KRT78: variants seen among roughly 807,000 people sequenced by gnomAD.
KRT78 encodes the protein keratin 78.
Under a neutral mutation model 51.4 loss-of-function variants are expected in KRT78, and 55 were observed. The observed-to-expected ratio is 1.07, with a 90% CI of 0.86 to 1.34. The LOEUF (loss-of-function observed/expected upper bound fraction) is 1.34, where lower values mean the gene tolerates loss of function less well. KRT78 is among the 40% of genes most tolerant of loss of function. The pLI is 0.00. For synonymous variants in KRT78, 291 were observed against 264.3 expected (o/e 1.10, Z -0.98); for missense variants, 652 against 649.4 (o/e 1.00, Z -0.04).
chr12:52,848,152 C>A (rs755498421), intron 1 of KRT78, 31 bp from the exon 2 acceptor site: 5 of 1,607,710 alleles, frequency 3.1e-6, no homozygotes, highest in Non-Finnish European at 4.2e-6. Context: ...CCCTGAGGCT[C>A]CTGTGGGACT....
Position 52,843,962 on chromosome 12 carries a change from C to T in KRT78, c.1047+131G>A. ...TCTCTTCTCCCCAAATTATCCAAAG[C>T]TCCAGCCAGTTATCAAGGTCCTCGA... On this transcript the variant is annotated intron_variant, in intron 6 of 8. Coordinates refer to ENST00000304620, the MANE Select transcript of KRT78 (RefSeq NM_173352.4). 4 of 1,100,424 alleles carry T rather than the reference C, an allele frequency of 3.6e-6. No individual in the cohort carries two copies. In the South Asian group the frequency reaches 5.8e-5, roughly 16 times the overall value. 68.2% of individuals were successfully genotyped at this position (1,100,424 alleles called of 1,614,324 possible). A position where few individuals can be genotyped will look rare whatever the true frequency, so the allele number is the denominator to read the frequency against.
At chr12:52,845,522 G>A (rs973565615) in intron 4 of KRT78, among the ~76,000 whole-genome samples, 1 of 152,210 alleles carries the variant, frequency 6.6e-6, no homozygotes, top group Admixed American at 6.5e-5. Flanking sequence ...CACATGATTT[G>A]AAGTTGGCAC....
At chr12:52,842,997 GGAA>G (rs1940543478) in intron 6 of KRT78, among the ~76,000 whole-genome samples, 1 of 99,060 alleles carries the variant, frequency 1.0e-5, no homozygotes, top group Non-Finnish European at 2.0e-5. Flanking sequence ...AAGGAAGGAA[GGAA>G]GGAAGGAAGG....
chr12:52,844,561 T>C lies in KRT78; in HGVS notation c.919A>G (p.Lys307Glu). Residue 307 changes from lysine to glutamate, a missense_variant and splice_region_variant, in exon 5 of 9, where the codon AAG becomes GAG. By Grantham distance (56) the Lys-to-Glu change is moderately conservative (BLOSUM62 1). Coordinates refer to ENST00000304620, the MANE Select transcript of KRT78 (RefSeq NM_173352.4). ...KAEAEALYQT[K>E]YQELQVSAQL... The stretch of plus-strand genomic sequence containing the variant: ...TGCTGCCCCCCAGGTCCCACCACCT[T>C]GGTCTGGTACAAGGCCTCAGCCTCA... 6.2e-7 allele frequency: 1 copy of C among 1,612,414 alleles called. No individual in the cohort carries two copies.
chr12:52,841,222 G>A (rs991645258), intron 6 of KRT78, among the ~76,000 whole-genome samples: 8 of 152,014 alleles, frequency 5.3e-5, no homozygotes, highest in East Asian at 1.9e-4. Flanking sequence ...GGTGGCTCAC[G>A]CCTGTAATTC....
At chr12:52,847,092 A>T (rs547685417) in intron 2 of KRT78, among the ~76,000 whole-genome samples, 11 of 152,262 alleles carry the variant, frequency 7.2e-5, no homozygotes, top group African/African-American at 2.6e-4. Context: ...ACTCACACCC[A>T]TCACTTGAGG....
Position 52,839,434 on chromosome 12 carries a change from A to C in KRT78, c.1303+19T>G. 1 of 1,610,414 alleles carries C rather than the reference A, an allele frequency of 6.2e-7. No homozygotes were observed. The highest frequency in any genetic ancestry group is 8.5e-7 in the Non-Finnish European group (1 of 1,178,422). ...AGCTCCCCATGGGGATCCCATCCCTAAAGTCCCCTGATACTCACAGATAGT... is the reference window on the plus strand; with the variant it reads ...AGCTCCCCATGGGGATCCCATCCCTCAAGTCCCCTGATACTCACAGATAGT... On this transcript the variant is annotated intron_variant, in intron 8 of 8. Coordinates refer to ENST00000304620, the MANE Select transcript of KRT78 (RefSeq NM_173352.4).
chr12:52,842,704 T>C (rs181783682), intron 6 of KRT78, among the ~76,000 whole-genome samples: 3 of 151,624 alleles, frequency 2.0e-5, no homozygotes, highest in Non-Finnish European at 4.4e-5. Flanking sequence ...GATCACCTGA[T>C]GTCAGGAGTT....
Position 52,848,887 on chromosome 12 carries a change from C to T in KRT78, c.44G>A (p.Arg15His), listed in dbSNP as rs202030816. The T allele has an allele frequency of 1.2e-4, 197 of 1,596,608 alleles. No individual in the cohort carries two copies. Among genetic ancestry groups the T allele is most frequent in the Admixed American group, 1.6e-4 (9 of 57,262 alleles). Residue 15 changes from arginine to histidine, a missense_variant, in exon 1 of 9, where the codon CGC (arginine) becomes CAC (histidine). Physicochemically the swap from Arg to His is conservative, Grantham distance 29. Transcript: ENST00000304620. ...PCRAQRGFSA[R>H]SACSARSRGR... The stretch of plus-strand genomic sequence containing the variant: ...CCTTGAGCGAGCAGAACAGGCTGAG[C>T]GAGCGCTGAAGCCCCTCTGGGCCCG...
chr12:52,844,048 G>T (rs1178256485), intron 6 of KRT78, 45 bp downstream of exon 6: 4 of 1,604,594 alleles, frequency 2.5e-6, no homozygotes, highest in Non-Finnish European at 3.4e-6. Context: ...TGAGTTGAAG[G>T]CACAAAGGCA....
rs148124965 is a variant in KRT78, at chr12:52,844,617, C to T, written c.863G>A (p.Arg288Gln). The T allele has an allele frequency of 4.9e-5, 79 of 1,614,156 alleles. 1 individual carries two copies. The Admixed American group carries it at 7.2e-4, about 15-fold the overall frequency. ...GCTGCTCCGGGCGATCTCCTCGTAC[C>T]GGGCGCGGACCTCAGTGATGATGCT... ...FSSIITEVRA[R>Q]YEEIARSSKA... Residue 288 changes from arginine (R) to glutamine (Q), a missense_variant, in exon 5 of 9, where the codon CGG becomes CAG. By Grantham distance (43) the Arg-to-Gln change is conservative. Coordinates refer to ENST00000304620, the MANE Select transcript of KRT78 (RefSeq NM_173352.4).
chr12:52,844,498 A>C, intron 5 of KRT78, 61 bp downstream of exon 5: 9 of 1,557,564 alleles, frequency 5.8e-6, no homozygotes, highest in Non-Finnish European at 7.9e-6. Context: ...TGACCACCCT[A>C]GAGTTTGGGC....
At chr12:52,846,082 G>A in intron 4 of KRT78, 115 bp downstream of exon 4, 1 of 676,142 alleles carries the variant, frequency 1.5e-6, no homozygotes. Flanking sequence ...GAATGACCCA[G>A]AATCTAAGCC....
chr12:52,838,980 T>C lies in KRT78; in HGVS notation c.*133A>G. On this transcript the variant is annotated 3_prime_UTR_variant, in exon 9 of 9. Transcript: ENST00000304620. ...CATTCAGAACAGCAGGAGGGGAGAC[T>C]TTATTGATTTTTGCAGCATCCGCTG... 1 of 1,061,444 alleles carries C rather than the reference T, an allele frequency of 9.4e-7. No individual in the cohort carries two copies. The highest frequency in any genetic ancestry group is 2.4e-5 in the East Asian group (1 of 41,280). 65.8% of individuals were successfully genotyped at this position (1,061,444 alleles called of 1,614,324 possible).
intron 4 of KRT78, among the ~76,000 whole-genome samples, chr12:52,844,941 A>G (rs1940606472): frequency 6.6e-6 from 1 of 151,694 alleles, no homozygotes; most frequent in Non-Finnish European, 1.5e-5. Context: ...CAGCTTGGAC[A>G]TTAATGGAAA....
intron 6 of KRT78, among the ~76,000 whole-genome samples, chr12:52,842,952 AGAGAGAG>A (rs1565698669): frequency 0.012 from 1,293 of 104,874 alleles, 56 homozygotes; most frequent in East Asian, 0.095. Flanking sequence ...AGAGAGAGAG[AGAGAGAG>A]AGGAAGGAAG....
chr12:52,848,215 C>T, intron 1 of KRT78, 94 bp from the exon 2 acceptor site: 1 of 1,552,156 alleles, frequency 6.4e-7, no homozygotes. Context: ...CCATCAGCCT[C>T]ACCTTTCCCC....
At position 52,839,128 on chromosome 12, in the gene KRT78, T is replaced by C. The variant is rs1221317358; in HGVS notation, c.1548A>G (p.Thr516=). ...LKKTVESSLK[T]SITY ...GCTGGGTCGCTCAGTAGGTGATGGA[T>C]GTCTTCAGACTCGACTCAACTGTCT... Residue 516 remains threonine (T), a synonymous_variant, in exon 9 of 9, where the codon ACA becomes ACG. Coordinates refer to ENST00000304620, the MANE Select transcript of KRT78 (RefSeq NM_173352.4). 2 of 1,612,960 alleles carry C rather than the reference T, an allele frequency of 1.2e-6. No individual in the cohort carries two copies. The highest frequency in any genetic ancestry group is 1.7e-6 in the Non-Finnish European group (2 of 1,179,814).
chr12:52,840,066 G>A (rs1940455354), intron 6 of KRT78, 82 bp from the exon 7 acceptor site: 1 of 964,900 alleles, frequency 1.0e-6, no homozygotes, highest in African/African-American at 1.6e-5. Flanking sequence ...GATATCACTT[G>A]AAGGCTGGGG....
Sources: gnomAD v4.1 joint callset for allele counts (sites outside exome capture counted in the v4.1 genomes callset) on GRCh38, gnomAD v4.1.1 for gene constraint, MANE v1.5 for transcripts, NCBI Gene and HGNC (gene_info 2026-07-23, HGNC 2026-07-21) for gene names.